The following CHCHD2 variants were observed in gnomAD, a reference collection of about 807,000 sequenced individuals.
The protein encoded by CHCHD2 is coiled-coil-helix-coiled-coil-helix domain containing 2.
Under a neutral mutation model 17.5 loss-of-function variants are expected in CHCHD2, and 17 were observed. The observed-to-expected ratio is 0.97, with a 90% CI of 0.67 to 1.46. CHCHD2 has a LOEUF of 1.46. CHCHD2 is among the 40% of genes most tolerant of loss of function. The probability of loss-of-function intolerance (pLI) is 0.00; values close to 1 mark genes in which losing one functional copy is unlikely to be tolerated. For missense variants in CHCHD2, 175 were observed against 199.9 expected, an observed-to-expected ratio of 0.88 and a Z score of 0.75; for synonymous variants, 63 against 74.3, an observed-to-expected ratio of 0.85 and a Z score of 0.78.
rs1409646395 is a variant in CHCHD2 at position 56,106,407 on chromosome 7, G to A, written c.7C>T (p.Arg3Cys). MP[R>C]GSRSRTSRMA... is the part of the protein sequence containing the mutation. ...CGGGAGGTGCGGCTTCGGCTTCCACGCGGCATCCTAGGTAAGCGACGGCTA... is the reference window on the plus strand; with the variant it reads ...CGGGAGGTGCGGCTTCGGCTTCCACACGGCATCCTAGGTAAGCGACGGCTA... The change falls in exon 1 of 4, where the codon CGT becomes TGT. Residue 3 changes from arginine (R) to cysteine (C), a missense_variant. Physicochemically the swap from Arg to Cys is radical, Grantham distance 180 (BLOSUM62 -3). Coordinates refer to ENST00000395422, the MANE Select transcript of CHCHD2 (RefSeq NM_016139.4). 2 of 1,613,458 alleles carry A rather than the reference G, an allele frequency of 1.2e-6. No individual in the cohort carries two copies. The highest frequency in any genetic ancestry group is 2.7e-5 in the African/African-American group (2 of 74,904).
rs374153434 is a variant in CHCHD2, at chr7:56,102,722, C to T, written c.445+145G>A. 199 of 820,994 alleles carry T rather than the reference C, an allele frequency of 2.4e-4. No individual in the cohort carries two copies. In the African/African-American group the frequency reaches 3.1e-3, roughly 13 times the overall value. The allele number at this position is 820,994 out of a possible 1,614,324, so 50.9% of individuals were successfully genotyped here. A position where few individuals can be genotyped will look rare whatever the true frequency, so the allele number is the denominator to read the frequency against. ...AATTACTCATAAAAATGACTAGAAACCTCCGGCCCAGTTGTTAGGAGTTAA... is the reference window on the plus strand; with the variant it reads ...AATTACTCATAAAAATGACTAGAAATCTCCGGCCCAGTTGTTAGGAGTTAA... On this transcript the variant is annotated intron_variant, in intron 3 of 3. Coordinates refer to ENST00000395422, the MANE Select transcript of CHCHD2 (RefSeq NM_016139.4).
At position 56,104,208 on chromosome 7, in the gene CHCHD2, T is replaced by C. The variant is rs1168725948; in HGVS notation, c.300+18A>G. 5 of 1,609,712 alleles carry C rather than the reference T, an allele frequency of 3.1e-6. No individual in the cohort carries two copies. Among genetic ancestry groups the C allele is most frequent in the Non-Finnish European group, 3.4e-6 (4 of 1,176,370 alleles). Reference sequence around the variant, plus strand: ...ATAAAATCCACCCATGGAAGGGAAATGCTGCCTAAATTCCCACCTGGTAAG... The same window carrying C: ...ATAAAATCCACCCATGGAAGGGAAACGCTGCCTAAATTCCCACCTGGTAAG... On this transcript the variant is annotated intron_variant, in intron 2 of 3. Transcript: ENST00000395422.
intron 2 of CHCHD2, 33 bp from the exon 3 acceptor site, chr7:56,103,044 A>G (rs1785318056): frequency 2.5e-6 from 4 of 1,613,344 alleles, no homozygotes; most frequent in Non-Finnish European, 2.5e-6. Context: ...ATTGCTGAGA[A>G]AGAAAATCAT....
intron 1 of CHCHD2, 72 bp from the exon 2 acceptor site, chr7:56,104,547 C>G (rs1244054903): frequency 7.3e-7 from 1 of 1,377,022 alleles, no homozygotes; most frequent in African/African-American, 1.5e-5. Flanking sequence ...CTTAAAATAA[C>G]TTACATATTA....
In CHCHD2 at chr7:56,106,419, G is replaced by C; in HGVS notation, c.-6C>G. The C allele has an allele frequency of 6.2e-7, 1 of 1,613,382 alleles. No homozygotes were observed. The highest frequency in any genetic ancestry group is 1.3e-5 in the African/African-American group (1 of 75,016). ...CTTCGGCTTCCACGCGGCATCCTAG[G>C]TAAGCGACGGCTAGGCCTCCGGACG... On this transcript the variant is annotated 5_prime_UTR_variant, in exon 1 of 4. Coordinates refer to ENST00000395422, the MANE Select transcript of CHCHD2 (RefSeq NM_016139.4).
At chr7:56,103,142 C>A in intron 2 of CHCHD2, 131 bp from the exon 3 acceptor site, 1 of 843,398 alleles carries the variant, frequency 1.2e-6, no homozygotes, top group East Asian at 2.6e-5. Context: ...AAGTTTCCAA[C>A]TATTAACATG....
chr7:56,102,694 G>C, intron 3 of CHCHD2, 173 bp downstream of exon 3: 2 of 684,876 alleles, frequency 2.9e-6, no homozygotes, highest in Non-Finnish European at 2.4e-6. Flanking sequence ...AGAAAATTCA[G>C]AAAATTACTC....
At chr7:56,103,085 C>T (rs1455656920) in intron 2 of CHCHD2, 74 bp from the exon 3 acceptor site, 22 of 1,509,966 alleles carry the variant, frequency 1.5e-5, no homozygotes, top group Middle Eastern at 1.7e-4. Flanking sequence ...GAGTATCCAT[C>T]CTCTTTGAGG....
Position 56,106,389 on chromosome 7 carries a change from T to A in CHCHD2, c.25A>T (p.Thr9Ser), listed in dbSNP as rs766155505. The A allele has an allele frequency of 6.2e-7, 1 of 1,612,296 alleles. No homozygotes were observed. The highest frequency in any genetic ancestry group is 1.1e-5 in the South Asian group (1 of 90,914). Reference sequence around the variant, plus strand: ...CTGGCCGGAGGGGCCATGCGGGAGGTGCGGCTTCGGCTTCCACGCGGCATC... The same window carrying A: ...CTGGCCGGAGGGGCCATGCGGGAGGAGCGGCTTCGGCTTCCACGCGGCATC... MPRGSRSR[T>S]SRMAPPASRA... is the part of the protein sequence containing the mutation. The change falls in exon 1 of 4, where the codon ACC becomes TCC. Residue 9 changes from threonine (T) to serine (S), a missense_variant. Transcript: ENST00000395422.
rs1326254606 is a variant in CHCHD2 at position 56,104,209 on chromosome 7, G to T, written c.300+17C>A. ...TAAAATCCACCCATGGAAGGGAAAT[G>T]CTGCCTAAATTCCCACCTGGTAAGT... On this transcript the variant is annotated intron_variant, in intron 2 of 3. Coordinates refer to ENST00000395422, the MANE Select transcript of CHCHD2 (RefSeq NM_016139.4). 2 of 1,609,824 alleles carry T rather than the reference G, an allele frequency of 1.2e-6. No homozygotes were observed. The highest frequency in any genetic ancestry group is 3.3e-5 in the Admixed American group (2 of 59,972).
In CHCHD2 at chr7:56,106,370, G is replaced by T. The variant is rs768263808; in HGVS notation, c.44C>A (p.Pro15Gln). 1 of 1,613,264 alleles carries T rather than the reference G, an allele frequency of 6.2e-7. No individual in the cohort carries two copies. ...SRSRTSRMAP[P>Q]ASRAPQMRAA... The stretch of plus-strand genomic sequence containing the variant: ...AACCCTGCGATGGTCTCACCTGGCC[G>T]GAGGGGCCATGCGGGAGGTGCGGCT... Residue 15 changes from proline (P) to glutamine (Q), a missense_variant, in exon 1 of 4, where the codon CCG (proline) becomes CAG (glutamine). Transcript: ENST00000395422.
chr7:56,106,021 A>G (rs1490949936), intron 1 of CHCHD2, among the ~76,000 whole-genome samples: 1 of 152,182 alleles, frequency 6.6e-6, no homozygotes, highest in Non-Finnish European at 1.5e-5. Flanking sequence ...GCACGTATTT[A>G]AAAATCTTCA....
chr7:56,105,483 AATTAAC>A (rs1785366612), intron 1 of CHCHD2, among the ~76,000 whole-genome samples: 1 of 152,210 alleles, frequency 6.6e-6, no homozygotes, highest in Admixed American at 6.5e-5. Context: ...CGGATCAAAT[AATTAAC>A]ATAGGCTGCG....
chr7:56,102,680 AG>A (rs1364055913), intron 3 of CHCHD2, 186 bp downstream of exon 3: 2 of 641,606 alleles, frequency 3.1e-6, no homozygotes, highest in African/African-American at 3.7e-5. Flanking sequence ...TACCTTCTAA[AG>A]GAAGAAAATT....
In CHCHD2 at chr7:56,104,358, C is replaced by T. The variant is rs1449975471; in HGVS notation, c.168G>A (p.Met56Ile). The T allele has an allele frequency of 1.2e-6, 2 of 1,613,296 alleles. No individual in the cohort carries two copies. Among genetic ancestry groups the T allele is most frequent in the African/African-American group, 1.3e-5 (1 of 75,028 alleles). The change falls in exon 2 of 4, where the codon ATG (methionine) becomes ATA (isoleucine). Residue 56 changes from methionine to isoleucine, a missense_variant. Physicochemically the swap from Met to Ile is conservative, Grantham distance 10 (BLOSUM62 1). Coordinates refer to ENST00000395422, the MANE Select transcript of CHCHD2 (RefSeq NM_016139.4). ...CAGCTGCAGTGGTTGCCATCTGGGCCATCAGACCTGGCTGCCGGGGCGCAG... is the reference window on the plus strand; with the variant it reads ...CAGCTGCAGTGGTTGCCATCTGGGCTATCAGACCTGGCTGCCGGGGCGCAG... ...SAAAPRQPGL[M>I]AQMATTAAGV...
At chr7:56,106,276 C>CG in intron 1 of CHCHD2, 88 bp downstream of exon 1, 1 of 1,318,790 alleles carries the variant, frequency 7.6e-7, no homozygotes, top group Non-Finnish European at 1.1e-6. Context: ...GACCTTAGTT[C>CG]ACCCCCGCCC....
At position 56,104,322 on chromosome 7, in the gene CHCHD2, C is replaced by T; in HGVS notation, c.204G>A (p.Val68=). Residue 68 remains valine (V), a synonymous_variant, in exon 2 of 4, where the codon GTG becomes GTA. Transcript: ENST00000395422. ...CCAATGTGTGCCCCACAGCAGAGCCCACAGCCACGCCAGCTGCAGTGGTTG... is the reference window on the plus strand; with the variant it reads ...CCAATGTGTGCCCCACAGCAGAGCCTACAGCCACGCCAGCTGCAGTGGTTG... The part of the protein sequence containing the change: ...QMATTAAGVA[V]GSAVGHTLGH... The T allele has an allele frequency of 6.2e-7, 1 of 1,613,724 alleles. No individual in the cohort carries two copies. The highest frequency in any genetic ancestry group is 1.3e-5 in the African/African-American group (1 of 75,042).
At position 56,106,398 on chromosome 7, in the gene CHCHD2, G is replaced by A. The variant is rs755144061; in HGVS notation, c.16C>T (p.Arg6Ter). The A allele has an allele frequency of 3.1e-6, 5 of 1,613,550 alleles. No homozygotes were observed. Among genetic ancestry groups the A allele is most frequent in the African/African-American group, 2.7e-5 (2 of 75,022 alleles). MPRGS[R>*]SRTSRMAPPA... Reference sequence around the variant, plus strand: ...GGGGCCATGCGGGAGGTGCGGCTTCGGCTTCCACGCGGCATCCTAGGTAAG... The same window carrying A: ...GGGGCCATGCGGGAGGTGCGGCTTCAGCTTCCACGCGGCATCCTAGGTAAG... Residue 6 changes from arginine (R) to a stop codon, truncating the protein, a stop_gained, in exon 1 of 4, where the codon CGA (arginine) becomes TGA (stop). Coordinates refer to ENST00000395422, the MANE Select transcript of CHCHD2 (RefSeq NM_016139.4). LOFTEE classifies it high-confidence loss of function.
In CHCHD2 at chr7:56,101,646, C is replaced by G. The variant is rs572813375; in HGVS notation, c.*205G>C. On this transcript the variant is annotated 3_prime_UTR_variant, in exon 4 of 4. Transcript: ENST00000395422. ...TAACATAACAGCTAGTTTAAGGAGGCCACACAAACATTTGCCCAGTCCCAG... is the reference window on the plus strand; with the variant it reads ...TAACATAACAGCTAGTTTAAGGAGGGCACACAAACATTTGCCCAGTCCCAG... 7 of 509,534 alleles carry G rather than the reference C, an allele frequency of 1.4e-5. No homozygotes were observed. The African/African-American group carries it at 1.4e-4, about 10-fold the overall frequency. The allele number at this position is 509,534 out of a possible 1,614,324, so 31.6% of individuals were successfully genotyped here. A position where few individuals can be genotyped will look rare whatever the true frequency, so the allele number is the denominator to read the frequency against.
Sources: allele counts gnomAD v4.1 joint callset (sites outside exome capture counted in the v4.1 genomes callset), GRCh38; gene constraint gnomAD v4.1.1; transcripts MANE v1.5; gene names NCBI Gene and HGNC (gene_info 2026-07-23, HGNC 2026-07-21).